CIMAP1D: variants seen among roughly 807,000 people sequenced by gnomAD.
The protein encoded by CIMAP1D is protein CIMAP1D.
the CIMAP1D span, among the ~76,000 whole-genome samples, chr19:488,727 G>A: frequency 6.6e-5 from 10 of 151,838 alleles, no homozygotes; most frequent in African/African-American, 2.4e-4. Context: ...CCCGACCCCC[G>A]CAGCGAGCCC....
the CIMAP1D span, among the ~76,000 whole-genome samples, chr19:479,314 C>G: frequency 6.6e-6 from 1 of 151,460 alleles, no homozygotes; most frequent in Non-Finnish European, 1.5e-5. Context: ...GCTCTTGTTA[C>G]CCAATAAATA....
At chr19:479,769 C>G in the CIMAP1D span, among the ~76,000 whole-genome samples, 56 of 151,924 alleles carry the variant, frequency 3.7e-4, no homozygotes, top group Middle Eastern at 3.4e-3. Flanking sequence ...ATCTCCTGAC[C>G]TTGTGATCCG....
chr19:491,430 G>A, the CIMAP1D span, among the ~76,000 whole-genome samples: 1 of 152,314 alleles, frequency 6.6e-6, no homozygotes, highest in South Asian at 2.1e-4. Context: ...TGCCCTTCTA[G>A]CCACCTAGAC....
the CIMAP1D span, among the ~76,000 whole-genome samples, chr19:466,281 G>A: frequency 2.1e-5 from 3 of 141,178 alleles, no homozygotes; most frequent in South Asian, 2.5e-4. Flanking sequence ...ATGGATGGGT[G>A]GGTGGGTGGA....
At chr19:463,927 G>A in the CIMAP1D span, 12 of 1,611,468 alleles carry the variant, frequency 7.4e-6, no homozygotes, top group Middle Eastern at 1.7e-4. Flanking sequence ...TTCGAGTGGC[G>A]GATGCCCATA....
chr19:463,823 T>C, the CIMAP1D span: 2 of 1,599,730 alleles, frequency 1.3e-6, no homozygotes, highest in Non-Finnish European at 1.7e-6. Context: ...CCCCGTTCAC[T>C]GTGTGGGAAA....
At chr19:480,491 T>TGATGGAG in the CIMAP1D span, among the ~76,000 whole-genome samples, 53 of 71,132 alleles carry the variant, frequency 7.5e-4, 2 homozygotes, top group African/African-American at 3.7e-3. Context: ...AGGATGATGG[T>TGATGGAG]AAGGATGATG....
the CIMAP1D span, among the ~76,000 whole-genome samples, chr19:478,980 A>G: frequency 6.6e-6 from 1 of 152,376 alleles, no homozygotes; most frequent in Middle Eastern, 3.4e-3. Context: ...AGGCAGGCAG[A>G]TAAGTGAAAC....
At chr19:484,142 T>C in the CIMAP1D span, among the ~76,000 whole-genome samples, 1 of 92,620 alleles carries the variant, frequency 1.1e-5, no homozygotes, top group Non-Finnish European at 2.7e-5. Flanking sequence ...TCTTTTTCTT[T>C]TTTTTTTTTT....
At chr19:488,342 G>T in the CIMAP1D span, among the ~76,000 whole-genome samples, 1 of 151,776 alleles carries the variant, frequency 6.6e-6, no homozygotes, top group African/African-American at 2.4e-5. Context: ...CTAACACGGT[G>T]AAACCCCGTC....
chr19:490,573 A>T, the CIMAP1D span, among the ~76,000 whole-genome samples: 1 of 152,256 alleles, frequency 6.6e-6, no homozygotes, highest in African/African-American at 2.4e-5. Flanking sequence ...ACTTCAGGCC[A>T]CTAAAGTTCT....
At chr19:486,527 G>C in the CIMAP1D span, among the ~76,000 whole-genome samples, 1 of 151,810 alleles carries the variant, frequency 6.6e-6, no homozygotes, top group Non-Finnish European at 1.5e-5. Flanking sequence ...TGCAACCTCC[G>C]CCTGGTGGGT....
the CIMAP1D span, chr19:467,606 T>C: frequency 7.7e-7 from 1 of 1,291,402 alleles, no homozygotes; most frequent in Non-Finnish European, 1.1e-6. Flanking sequence ...GCTGAGACCC[T>C]GGAAAGCAGG....
chr19:472,380 C>A, the CIMAP1D span: 2 of 1,441,372 alleles, frequency 1.4e-6, no homozygotes, highest in Non-Finnish European at 1.8e-6. Context: ...CAGCCGCCCA[C>A]TCGCCCGCCT....
the CIMAP1D span, among the ~76,000 whole-genome samples, chr19:478,849 T>C: frequency 6.6e-6 from 1 of 152,240 alleles, no homozygotes; most frequent in Non-Finnish European, 1.5e-5. Flanking sequence ...CCGAGACCCT[T>C]GTTCTCACCG....
chr19:477,099 C>A, the CIMAP1D span, among the ~76,000 whole-genome samples: 14 of 152,108 alleles, frequency 9.2e-5, no homozygotes, highest in Non-Finnish European at 1.9e-4. Flanking sequence ...CCCAGCTACT[C>A]AGGAGGCTGA....
At chr19:476,877 G>C in the CIMAP1D span, among the ~76,000 whole-genome samples, 21 of 152,180 alleles carry the variant, frequency 1.4e-4, no homozygotes, top group African/African-American at 5.1e-4. Context: ...AGTTAAAGAA[G>C]TACTTAGAGG....
chr19:484,284 G>A, the CIMAP1D span, among the ~76,000 whole-genome samples: 4 of 151,828 alleles, frequency 2.6e-5, no homozygotes, highest in Non-Finnish European at 5.9e-5. Context: ...GGGATTACAG[G>A]TGTGCGCCAC....
chr19:476,713 A>T, the CIMAP1D span, among the ~76,000 whole-genome samples: 1 of 152,208 alleles, frequency 6.6e-6, no homozygotes, highest in East Asian at 1.9e-4. Context: ...GAAATCACCA[A>T]CAATACGATA....
Sources: allele counts gnomAD v4.1 joint callset (sites outside exome capture counted in the v4.1 genomes callset), GRCh38; gene constraint gnomAD v4.1.1; transcripts MANE v1.5; gene names NCBI Gene and HGNC (gene_info 2026-07-23, HGNC 2026-07-21).